Variants in RUFY4 observed in about 807,000 individuals in gnomAD.
The protein encoded by RUFY4 is RUN and FYVE domain-containing protein 4.
In RUFY4, 73 loss-of-function variants were observed where a neutral mutation model predicts 69.0. The observed-to-expected ratio is 1.06, with a 90% CI of 0.88 to 1.29. The LOEUF (loss-of-function observed/expected upper bound fraction) is 1.29, where lower values mean the gene tolerates loss of function less well. RUFY4 is among the 50% of genes most tolerant of loss of function. The pLI is 0.00. For synonymous variants in RUFY4, 287 were observed against 271.8 expected (o/e 1.06, Z -0.55); for missense variants, 770 against 705.6 (o/e 1.09, Z -1.03).
chr2:218,071,215 CA>C (rs2106048161), intron 2 of RUFY4, among the ~76,000 whole-genome samples: 1 of 152,312 alleles, frequency 6.6e-6, no homozygotes, highest in South Asian at 2.1e-4. Context: ...TGCTATGTGT[CA>C]GACTTCAGCC....
chr2:218,049,129 T>C (rs971253608), intron 2 of RUFY4, among the ~76,000 whole-genome samples: 4 of 152,206 alleles, frequency 2.6e-5, no homozygotes, highest in Non-Finnish European at 5.9e-5. Context: ...CATTTTTTGT[T>C]GTTGCTAAAT....
chr2:218,080,634 TA>T (rs369541404), intron 8 of RUFY4, among the ~76,000 whole-genome samples: 3 of 152,102 alleles, frequency 2.0e-5, no homozygotes, highest in African/African-American at 7.2e-5. Flanking sequence ...CCAAAGAAAT[TA>T]GGACAAGCAT....
chr2:218,076,418 A>G lies in RUFY4; in HGVS notation c.1249-9A>G, dbSNP rs1403704285. 2 of 1,547,788 alleles carry G rather than the reference A, an allele frequency of 1.3e-6. No individual in the cohort carries two copies. The highest frequency in any genetic ancestry group is 1.7e-6 in the Non-Finnish European group (2 of 1,145,666). On this transcript the variant is annotated splice_polypyrimidine_tract_variant and intron_variant, in intron 7 of 10. Transcript: ENST00000344321. ...TTCAGCCTCCTTCTCCCCTCCTTCC[A>G]CCCCACAGAGCCTCAGACTTGGGCT...
chr2:218,044,404 C>T (rs1232112332), intron 2 of RUFY4, among the ~76,000 whole-genome samples: 1 of 152,196 alleles, frequency 6.6e-6, no homozygotes, highest in Non-Finnish European at 1.5e-5. Context: ...TCTTAGTTAG[C>T]TGTAATGAGA....
rs371882182 is a variant in RUFY4, at chr2:218,084,767, C to A, written c.1502+1511C>A. ...ACTAGAAAATTAAATGGAACATGGC[C>A]GGGTGCAGTGGCTCACAGGCCTGTA... On this transcript the variant is annotated intron_variant, in intron 9 of 10. Transcript: ENST00000344321. Among the ~76,000 whole-genome samples, 29 of 152,054 alleles carry A rather than the reference C, an allele frequency of 1.9e-4. No homozygotes were observed. The South Asian group carries it at 4.4e-3, about 23-fold the overall frequency.
intron 2 of RUFY4, among the ~76,000 whole-genome samples, chr2:218,037,165 A>G (rs2106023835): frequency 6.6e-6 from 1 of 152,126 alleles, no homozygotes; most frequent in African/African-American, 2.4e-5. Context: ...CTAAAAATAC[A>G]AAAAATTAGC....
rs984506642 is a variant in RUFY4, at chr2:218,074,081, G to T, written c.600+196G>T. On this transcript the variant is annotated intron_variant, in intron 6 of 10. Transcript: ENST00000344321. Reference sequence around the variant, plus strand: ...AGGAGAGGGCTCCTATTCCTGGGGTGGCGGGGACACTGGGAGAGAAAGGGA... The same window carrying T: ...AGGAGAGGGCTCCTATTCCTGGGGTTGCGGGGACACTGGGAGAGAAAGGGA... The T allele has an allele frequency of 3.0e-5, 19 of 628,966 alleles. No homozygotes were observed. The African/African-American group carries it at 3.5e-4, about 12-fold the overall frequency. The allele number at this position is 628,966 out of a possible 1,614,324, so 39.0% of individuals were successfully genotyped here.
intron 3 of RUFY4, among the ~76,000 whole-genome samples, chr2:218,063,125 G>A (rs1480126837): frequency 1.3e-5 from 2 of 152,186 alleles, no homozygotes; most frequent in Non-Finnish European, 2.9e-5. Flanking sequence ...TGTTATCCCA[G>A]TTTCTCAAAG....
chr2:218,041,401 G>A (rs76568511), intron 2 of RUFY4, among the ~76,000 whole-genome samples: 2,992 of 152,186 alleles, frequency 0.02, 105 homozygotes, highest in African/African-American at 0.068. Flanking sequence ...ACAGTATTGC[G>A]TCTCCCAGTC....
upstream of RUFY4, among the ~76,000 whole-genome samples, chr2:218,068,290 C>T (rs900109633): frequency 1.3e-5 from 2 of 151,810 alleles, no homozygotes; most frequent in Non-Finnish European, 1.5e-5. Context: ...TGGAGGAGCG[C>T]AGGGGCAGGG....
exon 4 of RUFY4, chr2:218,072,827 G>T: frequency 6.5e-7 from 1 of 1,536,318 alleles, no homozygotes; most frequent in Non-Finnish European, 8.7e-7. Flanking sequence ...CTTCTGCCTG[G>T]CCCGTGGGCA....
intron 7 of RUFY4, among the ~76,000 whole-genome samples, chr2:218,076,065 T>C (rs1574512885): frequency 6.6e-6 from 1 of 152,302 alleles, no homozygotes; most frequent in Middle Eastern, 3.4e-3. Flanking sequence ...ATCCTCATGA[T>C]GGTAAGTCTC....
chr2:218,060,518 G>A (rs1689157099), intron 3 of RUFY4: 1 of 1,295,438 alleles, frequency 7.7e-7, no homozygotes, highest in Non-Finnish European at 1.1e-6. Flanking sequence ...AGGATGCCCA[G>A]AATCTCAGTG....
At chr2:218,041,065 G>T (rs1444386786) in intron 2 of RUFY4, among the ~76,000 whole-genome samples, 2 of 151,704 alleles carry the variant, frequency 1.3e-5, no homozygotes, top group African/African-American at 2.4e-5. Context: ...TCCTTTCTTT[G>T]TACAAGTTTT....
intron 2 of RUFY4, 53 bp from the exon 5 acceptor site, chr2:218,072,321 C>T (rs1000085395): frequency 1.5e-5 from 23 of 1,526,776 alleles, no homozygotes; most frequent in African/African-American, 1.1e-4. Context: ...GAATGCAGGG[C>T]GTGTTCTGGG....
Position 218,056,126 on chromosome 2 carries a change from C to A in RUFY4, c.-1157-2469C>A, listed in dbSNP as rs570319322. Among the ~76,000 whole-genome samples, 119 of 152,276 alleles carry A rather than the reference C, an allele frequency of 7.8e-4. No individual in the cohort carries two copies. The Middle Eastern group carries it at 0.02, about 26-fold the overall frequency. ...CTCACGGAATGCTACACAATGGCTG[C>A]AACAGGTCTCAATTTGATTTGCCTA... On this transcript the variant is annotated intron_variant and NMD_transcript_variant, in intron 2 of 13. Transcript: ENST00000457754.
At chr2:218,049,878 T>C (rs1438058303) in intron 2 of RUFY4, among the ~76,000 whole-genome samples, 9 of 152,228 alleles carry the variant, frequency 5.9e-5, no homozygotes, top group Non-Finnish European at 1.0e-4. Context: ...ATAATCTTAT[T>C]TGAATTGAAT....
chr2:218,038,760 C>T (rs531645471), intron 2 of RUFY4, among the ~76,000 whole-genome samples: 6 of 152,204 alleles, frequency 3.9e-5, no homozygotes, highest in South Asian at 2.1e-4. Context: ...GGCTGACTAC[C>T]CTCTTTCCGA....
intron 9 of RUFY4, among the ~76,000 whole-genome samples, chr2:218,084,925 G>A (rs949743655): frequency 1.3e-5 from 2 of 152,094 alleles, no homozygotes; most frequent in African/African-American, 4.8e-5. Flanking sequence ...GCGGGCACCT[G>A]TAATCTCAGC....
Sources: allele counts gnomAD v4.1 joint callset (sites outside exome capture counted in the v4.1 genomes callset), GRCh38; gene constraint gnomAD v4.1.1; transcripts MANE v1.5; gene names NCBI Gene and HGNC (gene_info 2026-07-23, HGNC 2026-07-21).